CADPS2: variants seen among roughly 807,000 people sequenced by gnomAD.
CADPS2 encodes the protein calcium dependent secretion activator 2, also known as calcium-dependent secretion activator 2.
In CADPS2, 93 loss-of-function variants were observed where a neutral mutation model predicts 172.5. The ratio of observed to expected loss-of-function variants is 0.54; its 90% CI spans 0.46 to 0.64. CADPS2 has a LOEUF of 0.64. Among genes scored for constraint, CADPS2 ranks in the 30% least tolerant of loss-of-function variants. The pLI is 0.00. For synonymous variants in CADPS2, 546 were observed against 555.2 expected, an observed-to-expected ratio of 0.98 and a Z score of 0.23; for missense variants, 1,420 against 1,565.9, an observed-to-expected ratio of 0.91 and a Z score of 1.57.
At chr7:122,717,382 A>G (rs1472980108) in intron 2 of CADPS2, among the ~76,000 whole-genome samples, 2 of 152,134 alleles carry the variant, frequency 1.3e-5, no homozygotes, top group Non-Finnish European at 2.9e-5. Flanking sequence ...TTATTCCTGC[A>G]TTTTTCAAAT....
At chr7:122,831,007 AT>A (rs1042275577) in intron 1 of CADPS2, among the ~76,000 whole-genome samples, 2 of 152,224 alleles carry the variant, frequency 1.3e-5, no homozygotes, top group African/African-American at 4.8e-5. Flanking sequence ...ATATTGTTTT[AT>A]TAAATTTAAT....
At chr7:122,334,971 G>A (rs1204422597) in intron 28 of CADPS2, among the ~76,000 whole-genome samples, 1 of 152,070 alleles carries the variant, frequency 6.6e-6, no homozygotes, top group Non-Finnish European at 1.5e-5. Flanking sequence ...ATAAATATAG[G>A]TTCAATTAAT....
chr7:122,556,666 C>T (rs1192792191), intron 7 of CADPS2, among the ~76,000 whole-genome samples: 1 of 152,180 alleles, frequency 6.6e-6, no homozygotes, highest in African/African-American at 2.4e-5. Context: ...TTTTCTGCCA[C>T]ATTTTATTTT....
intron 8 of CADPS2, among the ~76,000 whole-genome samples, chr7:122,515,494 C>T (rs1325251771): frequency 6.6e-6 from 1 of 152,068 alleles, no homozygotes; most frequent in African/African-American, 2.4e-5. Flanking sequence ...ATGACAGGTG[C>T]CTTTTATGAA....
At chr7:122,602,722 C>A (rs2072971989) in intron 6 of CADPS2, among the ~76,000 whole-genome samples, 1 of 152,050 alleles carries the variant, frequency 6.6e-6, no homozygotes, top group Non-Finnish European at 1.5e-5. Flanking sequence ...TTCCTGTATT[C>A]TCTTCTTACC....
Position 122,388,588 on chromosome 7 carries a change from G to C in CADPS2, c.3159C>G (p.Val1053=), listed in dbSNP as rs1414424716. ...LMASDMLEAC[V]KRTRTAFELK... Reference sequence around the variant, plus strand: ...ATTTGAAAATACATGTCTACCTTTTGACACAGGCCTCTAGCATATCACTGG... The same window carrying C: ...ATTTGAAAATACATGTCTACCTTTTCACACAGGCCTCTAGCATATCACTGG... The change falls in exon 23 of 30, where the codon GTC becomes GTG. Residue 1053 remains valine (V), a synonymous_variant. Transcript: ENST00000449022. 1.3e-6 allele frequency: 2 copies of C among 1,580,322 alleles called. No individual in the cohort carries two copies. Among genetic ancestry groups the C allele is most frequent in the Non-Finnish European group, 1.7e-6 (2 of 1,160,980 alleles).
chr7:122,735,324 A>AC (rs1339689552), intron 2 of CADPS2, among the ~76,000 whole-genome samples: 3 of 152,066 alleles, frequency 2.0e-5, no homozygotes, highest in African/African-American at 7.2e-5. Flanking sequence ...CAGGCTAAAC[A>AC]CCCCCAGCTC....
At chr7:122,531,397 C>T (rs2061740918) in intron 8 of CADPS2, among the ~76,000 whole-genome samples, 1 of 152,174 alleles carries the variant, frequency 6.6e-6, no homozygotes, top group Non-Finnish European at 1.5e-5. Context: ...TCTACACCTG[C>T]AAGATTCTCC....
chr7:122,372,763 A>G (rs1221141034), intron 25 of CADPS2, among the ~76,000 whole-genome samples: 1 of 152,228 alleles, frequency 6.6e-6, no homozygotes, highest in Non-Finnish European at 1.5e-5. Context: ...AGTAACAGTT[A>G]ATATAGAAAC....
chr7:122,543,444 C>G (rs1047807406), intron 8 of CADPS2, among the ~76,000 whole-genome samples: 1 of 152,078 alleles, frequency 6.6e-6, no homozygotes. Context: ...GAGTCTGACA[C>G]ATAGTCTCAA....
At chr7:122,577,349 A>C (rs1160693155) in intron 7 of CADPS2, among the ~76,000 whole-genome samples, 2 of 151,970 alleles carry the variant, frequency 1.3e-5, no homozygotes, top group Non-Finnish European at 2.9e-5. Flanking sequence ...CTGACAACCC[A>C]CCTCAGCTCA....
intron 3 of CADPS2, among the ~76,000 whole-genome samples, chr7:122,645,658 G>GATATATATATATATATAT (rs71161314): frequency 1.9e-4 from 20 of 106,642 alleles, no homozygotes; most frequent in East Asian, 6.4e-4. Context: ...ATATCTCTAA[G>GATATATATATATATATAT]ATATATATAT....
intron 6 of CADPS2, among the ~76,000 whole-genome samples, chr7:122,593,658 T>C (rs1298105572): frequency 2.0e-5 from 3 of 151,868 alleles, no homozygotes; most frequent in African/African-American, 4.8e-5. Context: ...CTGAAAAAAT[T>C]GACAGTTTTG....
chr7:122,706,828 G>T, intron 2 of CADPS2, among the ~76,000 whole-genome samples: 1 of 147,878 alleles, frequency 6.8e-6, no homozygotes, highest in African/African-American at 2.5e-5. Context: ...ATATATGTAT[G>T]TACACACACA....
chr7:122,576,962 T>A (rs1040859633), intron 7 of CADPS2, among the ~76,000 whole-genome samples: 2 of 152,048 alleles, frequency 1.3e-5, no homozygotes, highest in African/African-American at 4.8e-5. Context: ...GGTTTCACCA[T>A]GTTGGCTAGT....
intron 22 of CADPS2, among the ~76,000 whole-genome samples, chr7:122,389,773 T>G (rs1031510415): frequency 2.0e-5 from 3 of 152,060 alleles, no homozygotes; most frequent in Non-Finnish European, 4.4e-5. Context: ...AACTTAAAAT[T>G]TATATTTCTA....
At chr7:122,734,898 G>A (rs2092033242) in intron 2 of CADPS2, among the ~76,000 whole-genome samples, 1 of 151,996 alleles carries the variant, frequency 6.6e-6, no homozygotes, top group East Asian at 1.9e-4. Context: ...AACACTAGCT[G>A]GAAATACGAA....
At chr7:122,576,773 A>AT (rs1257767347) in intron 7 of CADPS2, among the ~76,000 whole-genome samples, 27,982 of 135,836 alleles carry the variant, frequency 0.21, 3,015 homozygotes, top group East Asian at 0.38. Context: ...AGGAGATCTG[A>AT]TTTTTTTTTT....
chr7:122,809,295 C>T (rs572334240), intron 1 of CADPS2, among the ~76,000 whole-genome samples: 2 of 151,932 alleles, frequency 1.3e-5, no homozygotes, highest in South Asian at 4.2e-4. Flanking sequence ...CTCAGCCGGG[C>T]GCAGTGGCTC....
Sources: allele counts gnomAD v4.1 joint callset (sites outside exome capture counted in the v4.1 genomes callset), GRCh38; gene constraint gnomAD v4.1.1; transcripts MANE v1.5; gene names NCBI Gene and HGNC (gene_info 2026-07-23, HGNC 2026-07-21).